ASH1L: variants seen among roughly 807,000 people sequenced by gnomAD.
The protein encoded by ASH1L is ASH1 like histone lysine methyltransferase, also known as histone-lysine N-methyltransferase ASH1L.
In ASH1L, 23 loss-of-function variants were observed where a neutral mutation model predicts 269.0. The observed-to-expected ratio is 0.09, with a 90% CI of 0.06 to 0.12. ASH1L has a LOEUF of 0.12. Ranked by LOEUF, ASH1L falls within the 10% of genes least tolerant of loss-of-function variation. The pLI, the probability that ASH1L is intolerant of heterozygous loss-of-function variation, is 1.00. For missense variants in ASH1L, 2,912 were observed against 3,567.8 expected (o/e 0.82, Z 4.68); for synonymous variants, 1,187 against 1,253.5 (o/e 0.95, Z 1.12).
chr1:155,370,771 C>T lies in ASH1L; in HGVS notation c.6539+6G>A. 6.2e-7 allele frequency: 1 copy of T among 1,614,158 alleles called. No individual in the cohort carries two copies. Among genetic ancestry groups the T allele is most frequent in the Admixed American group, 1.7e-5 (1 of 60,014 alleles). ...TTTATTAGAGTATCATCATTTACCA[C>T]CGTACCTGAACTCCTGTTCACTGAC... On this transcript the variant is annotated splice_donor_region_variant and intron_variant, in intron 11 of 27. Coordinates refer to ENST00000392403, the MANE Select transcript of ASH1L (RefSeq NM_018489.3).
chr1:155,522,686 A>AT (rs34562141), intron 1 of ASH1L, among the ~76,000 whole-genome samples: 2,917 of 141,212 alleles, frequency 0.021, 31 homozygotes, highest in African/African-American at 0.027. Context: ...AGATTAGTGA[A>AT]TTTTTTTTTT....
intron 7 of ASH1L, among the ~76,000 whole-genome samples, chr1:155,395,160 TG>T (rs1357169660): frequency 6.6e-6 from 1 of 152,120 alleles, no homozygotes; most frequent in Admixed American, 6.6e-5. Context: ...CATCAACTCC[TG>T]GGCTCAAGCA....
intron 5 of ASH1L, chr1:155,433,195 G>A (rs1237536907): frequency 7.8e-6 from 12 of 1,541,166 alleles, no homozygotes; most frequent in Non-Finnish European, 1.1e-5. Context: ...GGGACACCTG[G>A]CTTCGGATGC....
Position 155,481,180 on chromosome 1 carries a change from C to T in ASH1L, c.1690G>A (p.Val564Ile). 6.2e-7 allele frequency: 1 copy of T among 1,614,006 alleles called. No individual in the cohort carries two copies. Among genetic ancestry groups the T allele is most frequent in the Non-Finnish European group, 8.5e-7 (1 of 1,179,982 alleles). ...GGGGGACTTCTGGTTAAAGGATTAA[C>T]AGATACAGTAGGTGATGGGGAAGGG... Reference protein sequence around the residue: ...NLPSPSPTVSVNPLTRSPPET... With the variant: ...NLPSPSPTVSINPLTRSPPET... Residue 564 changes from valine (V) to isoleucine (I), a missense_variant, in exon 3 of 28, where the codon GTT becomes ATT. By Grantham distance (29) the Val-to-Ile change is conservative. Transcript: ENST00000392403.
chr1:155,527,505 G>A (rs892206975), intron 1 of ASH1L, among the ~76,000 whole-genome samples: 2 of 147,494 alleles, frequency 1.4e-5, no homozygotes, highest in Non-Finnish European at 3.0e-5. Flanking sequence ...CAGCTCCCTC[G>A]CTACCTCACT....
At chr1:155,508,716 G>A (rs1667977259) in intron 2 of ASH1L, among the ~76,000 whole-genome samples, 1 of 152,126 alleles carries the variant, frequency 6.6e-6, no homozygotes, top group Admixed American at 6.6e-5. Flanking sequence ...AATATGCTAC[G>A]CTAAATACTG....
In ASH1L at chr1:155,433,389, G is replaced by T. The variant is rs1328904695; in HGVS notation, c.5828+4938C>A. ...CCATGCCCCCCGCTGTATGAGTTCT[G>T]TGGGGGGATGGCGTACTGTGGGCCT... On this transcript the variant is annotated intron_variant, in intron 5 of 27. Transcript: ENST00000392403. The T allele has an allele frequency of 1.9e-6, 3 of 1,604,428 alleles. No individual in the cohort carries two copies. In the South Asian group the frequency reaches 3.4e-5, roughly 18 times the overall value.
At chr1:155,432,619 C>G (rs1450705639) in intron 5 of ASH1L, among the ~76,000 whole-genome samples, 2 of 152,168 alleles carry the variant, frequency 1.3e-5, no homozygotes, top group East Asian at 1.9e-4. Context: ...GAAATTTTAT[C>G]TTTCTCTTTA....
intron 6 of ASH1L, chr1:155,396,144 C>T (rs549622075): frequency 6.6e-6 from 1 of 151,812 alleles, no homozygotes; most frequent in Non-Finnish European, 1.5e-5. Context: ...CTTCTACTCA[C>T]ATTATTGGTT....
chr1:155,395,386 A>G (rs1461514342), intron 7 of ASH1L, 73 bp downstream of exon 7: 3 of 1,121,428 alleles, frequency 2.7e-6, no homozygotes, highest in Admixed American at 5.3e-5. Flanking sequence ...TAACAAGATT[A>G]AAAAGACATT....
In ASH1L at chr1:155,357,397, G is replaced by A. The variant is rs765924711; in HGVS notation, c.6974C>T (p.Ser2325Phe). The change falls in exon 15 of 28, where the codon TCT (serine) becomes TTT (phenylalanine). Residue 2325 changes from serine to phenylalanine, a missense_variant. By Grantham distance (155) the Ser-to-Phe change is radical. Coordinates refer to ENST00000392403, the MANE Select transcript of ASH1L (RefSeq NM_018489.3). ...GTTGATATTTTCACTGGGTTCCTCA[G>A]AGAGATGGCCTCTCTGAAAAAGAGA... ...HKLKKRRGHL[S>F]EEPSENINTP... is the part of the protein sequence containing the mutation. The A allele has an allele frequency of 6.2e-7, 1 of 1,613,576 alleles. No individual in the cohort carries two copies. Among genetic ancestry groups the A allele is most frequent in the Non-Finnish European group, 8.5e-7 (1 of 1,179,654 alleles).
At chr1:155,548,221 G>C (rs1385690706) in intron 1 of ASH1L, among the ~76,000 whole-genome samples, 2 of 152,102 alleles carry the variant, frequency 1.3e-5, no homozygotes, top group African/African-American at 4.8e-5. Flanking sequence ...CGCATGTGGA[G>C]CTTAAAACCT....
At chr1:155,362,400 TAA>T (rs1001556035) in intron 12 of ASH1L, among the ~76,000 whole-genome samples, 7 of 141,972 alleles carry the variant, frequency 4.9e-5, no homozygotes, top group Admixed American at 7.1e-5. Context: ...CTTAATATAT[TAA>T]AAAAAAAAAA....
intron 13 of ASH1L, among the ~76,000 whole-genome samples, chr1:155,359,974 C>T (rs1218580433): frequency 6.6e-6 from 1 of 151,898 alleles, no homozygotes; most frequent in Admixed American, 6.6e-5. Context: ...CGTAACGCAA[C>T]CTCCGCCTCC....
rs114164764 is a variant in ASH1L at position 155,360,841 on chromosome 1, A to G, written c.6687-432T>C. 6.2e-3 allele frequency among the ~76,000 whole-genome samples: 939 copies of G among 152,288 alleles called. 10 individuals carry two copies. The highest frequency in any genetic ancestry group is 0.022 in the African/African-American group (913 of 41,578). On this transcript the variant is annotated intron_variant, in intron 12 of 27. Transcript: ENST00000392403. ...CTTGAAAACATGTTCTATGTTGTCA[A>G]TTAGGCTTCAACTTTTCCTGCTTGG...
chr1:155,542,824 T>G (rs984539450), intron 1 of ASH1L, among the ~76,000 whole-genome samples: 1 of 151,430 alleles, frequency 6.6e-6, no homozygotes, highest in African/African-American at 2.4e-5. Flanking sequence ...GGATTACATG[T>G]GCCCGCCACC....
In ASH1L at chr1:155,489,650, C is replaced by A. The variant is rs561563449; in HGVS notation, c.421-7201G>T. 8.6e-5 allele frequency among the ~76,000 whole-genome samples: 13 copies of A among 151,510 alleles called. 1 individual carries two copies. The South Asian group carries it at 2.7e-3, about 32-fold the overall frequency. On this transcript the variant is annotated intron_variant, in intron 2 of 27. Coordinates refer to ENST00000392403, the MANE Select transcript of ASH1L (RefSeq NM_018489.3). ...GCGGGTGCCTGTAGTCCCAGCTACT[C>A]GGGAGGCTGAGGCAGGAGAATGGTG...
At chr1:155,365,982 A>G (rs1655387867) in intron 12 of ASH1L, among the ~76,000 whole-genome samples, 2 of 152,212 alleles carry the variant, frequency 1.3e-5, no homozygotes, top group East Asian at 1.9e-4. Context: ...AGGGAGGGGG[A>G]AAATGTCAGA....
In ASH1L at chr1:155,495,196, G is replaced by A. The variant is rs549328629; in HGVS notation, c.421-12747C>T. On this transcript the variant is annotated intron_variant, in intron 2 of 27. Coordinates refer to ENST00000392403, the MANE Select transcript of ASH1L (RefSeq NM_018489.3). ...ATAGCAAGGGAAACAGTGAAGTGGG[G>A]TGACAGCTAGATGATGAAGTAGAAT... is the stretch of plus-strand genomic sequence containing the variant. Among the ~76,000 whole-genome samples the A allele has an allele frequency of 2.6e-5, 4 of 152,308 alleles. No individual in the cohort carries two copies. The South Asian group carries it at 8.3e-4, about 32-fold the overall frequency.
Sources: allele counts gnomAD v4.1 joint callset (sites outside exome capture counted in the v4.1 genomes callset), GRCh38; gene constraint gnomAD v4.1.1; transcripts MANE v1.5; gene names NCBI Gene and HGNC (gene_info 2026-07-23, HGNC 2026-07-21).